EFEMP1: variants seen among roughly 807,000 people sequenced by gnomAD.
EFEMP1 encodes EGF-like fibulin extracellular matrix protein 1.
A neutral mutation model predicts 65.7 loss-of-function variants in EFEMP1; 18 were observed. The ratio of observed to expected loss-of-function variants is 0.27; its 90% CI spans 0.19 to 0.41. The LOEUF is 0.41. Ranked by LOEUF, EFEMP1 falls within the 10% of genes least tolerant of loss-of-function variation. EFEMP1 has a pLI of 1.00. For missense variants in EFEMP1, 469 were observed against 624.8 expected (o/e 0.75, Z 2.66); for synonymous variants, 237 against 219.7 (o/e 1.08, Z -0.70).
At chr2:55,918,158 G>C in intron 4 of EFEMP1, 61 bp downstream of exon 4, 1 of 1,612,540 alleles carries the variant, frequency 6.2e-7, no homozygotes, top group Non-Finnish European at 8.5e-7. Flanking sequence ...GACAGGAAGA[G>C]TGACACAAGA....
chr2:55,891,092 T>C (rs971555560), intron 5 of EFEMP1, among the ~76,000 whole-genome samples: 3 of 152,088 alleles, frequency 2.0e-5, no homozygotes, highest in African/African-American at 7.2e-5. Flanking sequence ...TTTTCTGCTC[T>C]TCTCCCTGGG....
chr2:55,918,635 C>G (rs897603277), intron 3 of EFEMP1, among the ~76,000 whole-genome samples: 1 of 150,582 alleles, frequency 6.6e-6, no homozygotes, highest in Non-Finnish European at 1.5e-5. Context: ...AGACCAAATT[C>G]TCTCTCTTTC....
chr2:55,875,582 A>C (rs1669001534), intron 8 of EFEMP1, among the ~76,000 whole-genome samples: 1 of 152,088 alleles, frequency 6.6e-6, no homozygotes, highest in Non-Finnish European at 1.5e-5. Context: ...CATTGCTGAC[A>C]ATTTGGCTAA....
intron 5 of EFEMP1, among the ~76,000 whole-genome samples, chr2:55,887,852 G>T (rs2104402294): frequency 6.6e-6 from 1 of 152,254 alleles, no homozygotes; most frequent in East Asian, 1.9e-4. Context: ...GCATTGCATT[G>T]TGTTCTATCA....
At chr2:55,903,166 C>G (rs1240670060) in intron 5 of EFEMP1, among the ~76,000 whole-genome samples, 1 of 152,178 alleles carries the variant, frequency 6.6e-6, no homozygotes, top group African/African-American at 2.4e-5. Context: ...AGACTACTTT[C>G]TGGAATCCTC....
At position 55,917,813 on chromosome 2, in the gene EFEMP1, A is replaced by G. The variant is rs1234754593; in HGVS notation, c.369T>C (p.Ala123=). The G allele has an allele frequency of 6.2e-7, 1 of 1,614,224 alleles. No individual in the cohort carries two copies. Among genetic ancestry groups the G allele is most frequent in the Non-Finnish European group, 8.5e-7 (1 of 1,180,036 alleles). Residue 123 remains alanine, a synonymous_variant, in exon 5 of 12, where the codon GCT becomes GCC. Transcript: ENST00000355426. This position sits in a 1 kb window ranked among gnomAD's most constrained non-coding sequence, Gnocchi z 6.3. ...TCTGCATTTCAGGGCCTGCGACTGC[A>G]GCAGCACTGGCCACAAAACCACCCC... ...LPGGGFVASA[A]AVAGPEMQTG... is the part of the protein sequence containing the mutation.
chr2:55,901,691 T>C (rs543855745), intron 5 of EFEMP1, among the ~76,000 whole-genome samples: 8 of 152,326 alleles, frequency 5.3e-5, no homozygotes, highest in African/African-American at 1.9e-4. Flanking sequence ...TAATTCTAGA[T>C]TGTGGTAGGC....
chr2:55,907,486 GCAAACTCT>G (rs1299601418), intron 5 of EFEMP1, among the ~76,000 whole-genome samples: 1 of 152,158 alleles, frequency 6.6e-6, no homozygotes, highest in African/African-American at 2.4e-5. Flanking sequence ...GGATTAAACA[GCAAACTCT>G]GAAAAACAGA....
At chr2:55,868,822 T>C (rs1668685087) in intron 11 of EFEMP1, among the ~76,000 whole-genome samples, 1 of 152,198 alleles carries the variant, frequency 6.6e-6, no homozygotes, top group South Asian at 2.1e-4. Flanking sequence ...GAGCATGTAG[T>C]AGGTGCTTAA....
chr2:55,893,102 A>C (rs6708689), intron 5 of EFEMP1, among the ~76,000 whole-genome samples: 57,978 of 151,960 alleles, frequency 0.38, 11,660 homozygotes, highest in East Asian at 0.76. Flanking sequence ...TGAGGCTGCC[A>C]GATAGGTGTA....
intron 5 of EFEMP1, among the ~76,000 whole-genome samples, chr2:55,909,604 C>A (rs977241089): frequency 1.3e-5 from 2 of 152,108 alleles, no homozygotes; most frequent in African/African-American, 4.8e-5. Flanking sequence ...TTCCCAATGT[C>A]CCCTCATCAT....
chr2:55,902,081 G>A (rs1419307523), intron 5 of EFEMP1, among the ~76,000 whole-genome samples: 2 of 152,200 alleles, frequency 1.3e-5, no homozygotes, highest in Non-Finnish European at 2.9e-5. Flanking sequence ...CAAAGTCAGA[G>A]GACCCAGCTA....
rs754072239 is a variant in EFEMP1 at position 55,877,792 on chromosome 2, C to T, written c.714G>A (p.Gln238=). ...CVNTPGSFYC[Q]CSPGFQLAAN... ...CTGCCAATTGAAACCCAGGACTGCACTGGCAATAAAATGAGCCTGGTGTAT... is the reference window on the plus strand; with the variant it reads ...CTGCCAATTGAAACCCAGGACTGCATTGGCAATAAAATGAGCCTGGTGTAT... Residue 238 remains glutamine, a synonymous_variant, in exon 7 of 12, where the codon CAG becomes CAA. Transcript: ENST00000355426. This position sits in a 1 kb window ranked among gnomAD's most constrained non-coding sequence, Gnocchi z 4.5. The T allele has an allele frequency of 4.3e-6, 7 of 1,613,170 alleles. No homozygotes were observed. In the African/African-American group the frequency reaches 6.7e-5, roughly 15 times the overall value.
At chr2:55,913,827 T>C (rs1398363515) in intron 5 of EFEMP1, among the ~76,000 whole-genome samples, 3 of 151,724 alleles carry the variant, frequency 2.0e-5, no homozygotes, top group Non-Finnish European at 2.9e-5. Flanking sequence ...CTGGCCAACA[T>C]GGTGAAACCC....
At chr2:55,882,993 G>A (rs1027269520) in intron 5 of EFEMP1, among the ~76,000 whole-genome samples, 7 of 152,116 alleles carry the variant, frequency 4.6e-5, no homozygotes, top group African/African-American at 1.4e-4. Context: ...GTATTTTCAA[G>A]GAGGACTGCG....
At position 55,919,114 on chromosome 2, in the gene EFEMP1, C is replaced by G. The variant is rs1370668586; in HGVS notation, c.82-847G>C. 6.6e-6 allele frequency among the ~76,000 whole-genome samples: 1 copy of G among 152,094 alleles called. No individual in the cohort carries two copies. Among genetic ancestry groups the G allele is most frequent in the Non-Finnish European group, 1.5e-5 (1 of 68,018 alleles). ...GCTTTACAGGATGAGCAGGATTTTT[C>G]CAGGTGAATGTGGGAATTCTAGGAA... On this transcript the variant is annotated intron_variant, in intron 3 of 11. Coordinates refer to ENST00000355426, the MANE Select transcript of EFEMP1 (RefSeq NM_001039348.3). This position sits in a 1 kb window ranked among gnomAD's most constrained non-coding sequence, Gnocchi z 4.5.
rs1670927753 is a variant in EFEMP1 at position 55,922,205 on chromosome 2, C to T, written c.81+155G>A. The stretch of plus-strand genomic sequence containing the variant: ...TTGAAAGGATCAAGGGGGCAATTTA[C>T]AACGAATCTTAGATATGAAGCATGA... On this transcript the variant is annotated intron_variant, in intron 3 of 11. Transcript: ENST00000355426. This position sits in a 1 kb window ranked among gnomAD's most constrained non-coding sequence, Gnocchi z 5.5. 1 of 747,504 alleles carries T rather than the reference C, an allele frequency of 1.3e-6. No individual in the cohort carries two copies. Among genetic ancestry groups the T allele is most frequent in the Admixed American group, 2.1e-5 (1 of 48,172 alleles). 46.3% of individuals were successfully genotyped at this position (747,504 alleles called of 1,614,324 possible).
intron 6 of EFEMP1, among the ~76,000 whole-genome samples, chr2:55,879,664 A>T (rs1189432387): frequency 6.6e-6 from 1 of 151,508 alleles, no homozygotes; most frequent in Non-Finnish European, 1.5e-5. Flanking sequence ...GAATGAGAAG[A>T]TCAACAATAG....
chr2:55,878,550 A>G (rs1031719282), intron 6 of EFEMP1, among the ~76,000 whole-genome samples: 3 of 152,224 alleles, frequency 2.0e-5, no homozygotes, highest in African/African-American at 7.2e-5. Flanking sequence ...ATAAAATTTC[A>G]TTAATTCATG....
Sources: allele counts gnomAD v4.1 joint callset (sites outside exome capture counted in the v4.1 genomes callset), GRCh38; gene constraint gnomAD v4.1.1; non-coding constraint Gnocchi (gnomAD v3.1); transcripts MANE v1.5; gene names NCBI Gene and HGNC (gene_info 2026-07-23, HGNC 2026-07-21).